FRMD4A: variants seen among roughly 807,000 people sequenced by gnomAD.
FRMD4A encodes the protein FERM domain containing 4A, also known as FERM domain-containing protein 4A.
In FRMD4A, 29 loss-of-function variants were observed where a neutral mutation model predicts 129.1. That is an observed-to-expected ratio of 0.22 (90% CI 0.17 to 0.31). The LOEUF is 0.31. Ranked by LOEUF, FRMD4A falls within the 10% of genes least tolerant of loss-of-function variation. The probability of loss-of-function intolerance (pLI) is 1.00; values close to 1 mark genes in which losing one functional copy is unlikely to be tolerated. For synonymous variants in FRMD4A, 634 were observed against 571.6 expected (o/e 1.11, Z -1.56); for missense variants, 1,272 against 1,375.8 (o/e 0.92, Z 1.19).
At chr10:14,022,647 G>A (rs1832811540) in intron 2 of FRMD4A, among the ~76,000 whole-genome samples, 1 of 152,158 alleles carries the variant, frequency 6.6e-6, no homozygotes, top group Non-Finnish European at 1.5e-5. Context: ...AGATGATAAT[G>A]GATGGAAGAA....
intron 2 of FRMD4A, among the ~76,000 whole-genome samples, chr10:14,210,801 C>T (rs575227629): frequency 3.1e-4 from 47 of 152,218 alleles, no homozygotes; most frequent in Middle Eastern, 3.2e-3. Flanking sequence ...AGTCTTGGCT[C>T]ACTGCAACCT....
At position 13,699,909 on chromosome 10, in the gene FRMD4A, G is replaced by A. The variant is rs183982553; in HGVS notation, c.975+1431C>T. 1.9e-3 allele frequency among the ~76,000 whole-genome samples: 289 copies of A among 152,190 alleles called. 4 individuals carry two copies. Among genetic ancestry groups the A allele is most frequent in the African/African-American group, 6.8e-3 (284 of 41,502 alleles). On this transcript the variant is annotated intron_variant, in intron 14 of 24. Transcript: ENST00000357447. The stretch of plus-strand genomic sequence containing the variant: ...GACCCATCACTGCCAGGAGAGCTGC[G>A]GAGAATACTGTCATTATTCCTAACA...
intron 2 of FRMD4A, among the ~76,000 whole-genome samples, chr10:14,283,899 T>C (rs1004701168): frequency 2.6e-5 from 4 of 152,228 alleles, no homozygotes; most frequent in African/African-American, 7.2e-5. Flanking sequence ...ATCATCTCAA[T>C]TGATCATTTG....
At chr10:14,327,189 G>A (rs1157870964) in intron 2 of FRMD4A, among the ~76,000 whole-genome samples, 1 of 152,228 alleles carries the variant, frequency 6.6e-6, no homozygotes, top group Non-Finnish European at 1.5e-5. Context: ...TTCCTGTGGG[G>A]TAGACTCCTG....
chr10:13,709,026 G>A (rs183422759), intron 12 of FRMD4A, among the ~76,000 whole-genome samples: 15 of 151,970 alleles, frequency 9.9e-5, no homozygotes, highest in African/African-American at 3.4e-4. Flanking sequence ...GCAGTGTCAC[G>A]ATCTCGGCTC....
chr10:13,863,323 T>C (rs1427223164), intron 2 of FRMD4A, among the ~76,000 whole-genome samples: 1 of 152,144 alleles, frequency 6.6e-6, no homozygotes, highest in African/African-American at 2.4e-5. Flanking sequence ...GGCTCACGCC[T>C]GTAATCCTAG....
intron 2 of FRMD4A, among the ~76,000 whole-genome samples, chr10:14,187,268 G>A (rs1256821538): frequency 1.3e-5 from 2 of 152,208 alleles, no homozygotes; most frequent in Non-Finnish European, 2.9e-5. Context: ...CTAACTCCAT[G>A]ATATCAGATC....
intron 2 of FRMD4A, among the ~76,000 whole-genome samples, chr10:14,097,645 G>T (rs1837049360): frequency 6.6e-6 from 1 of 151,644 alleles, no homozygotes. Context: ...TATGTCTTAG[G>T]TATTTAGTTT....
rs774739073 is a variant in FRMD4A at position 13,656,850 on chromosome 10, G to A, written c.2739C>T (p.Gly913=). ...ILRTPSLGRE[G]AHDKGAGRAA... ...CACGGCCCGCGCCCTTGTCGTGGGC[G>A]CCCTCGCGGCCCAGCGACGGAGTCC... is the stretch of plus-strand genomic sequence containing the variant. Residue 913 remains glycine (G), a synonymous_variant, in exon 22 of 25, where the codon GGC becomes GGT. Coordinates refer to ENST00000357447, the MANE Select transcript of FRMD4A (RefSeq NM_018027.5). The A allele has an allele frequency of 2.1e-5, 31 of 1,496,876 alleles. No individual in the cohort carries two copies. The highest frequency in any genetic ancestry group is 2.5e-5 in the Non-Finnish European group (28 of 1,126,466). The allele number at this position is 1,496,876 out of a possible 1,614,324, so 92.7% of individuals were successfully genotyped here.
intron 2 of FRMD4A, among the ~76,000 whole-genome samples, chr10:14,239,908 G>A (rs560398236): frequency 6.6e-6 from 1 of 152,220 alleles, no homozygotes; most frequent in Non-Finnish European, 1.5e-5. Context: ...AAGAATAGTG[G>A]TGTTTTTGCT....
intron 4 of FRMD4A, among the ~76,000 whole-genome samples, chr10:13,804,714 C>CTTTTTTTTTT (rs35111872): frequency 7.8e-6 from 1 of 127,750 alleles, no homozygotes; most frequent in Non-Finnish European, 1.6e-5. Context: ...CCAGCTAATT[C>CTTTTTTTTTT]TTTTTTTTTT....
intron 2 of FRMD4A, among the ~76,000 whole-genome samples, chr10:14,167,497 A>T (rs150568332): frequency 7.4e-6 from 1 of 135,790 alleles, no homozygotes; most frequent in Non-Finnish European, 1.5e-5. Context: ...AGATCATGCC[A>T]CTGCATTCCA....
In FRMD4A at chr10:14,012,068, A is replaced by G. The variant is rs192029782; in HGVS notation, c.46-153156T>C. Among the ~76,000 whole-genome samples, 10 of 152,114 alleles carry G rather than the reference A, an allele frequency of 6.6e-5. No individual in the cohort carries two copies. The East Asian group carries it at 1.4e-3, about 21-fold the overall frequency. Reference sequence around the variant, plus strand: ...AGGAAAACCTATGGAACAATATTACATAGAAAGAGCAGGTTGTTGTCAGGA... The same window carrying G: ...AGGAAAACCTATGGAACAATATTACGTAGAAAGAGCAGGTTGTTGTCAGGA... On this transcript the variant is annotated intron_variant, in intron 2 of 24. Coordinates refer to ENST00000357447, the MANE Select transcript of FRMD4A (RefSeq NM_018027.5).
intron 24 of FRMD4A, chr10:13,649,777 C>T (rs2081399172): frequency 6.6e-6 from 1 of 152,166 alleles, no homozygotes; most frequent in African/African-American, 2.4e-5. Context: ...CGGTAGTAGT[C>T]AAGGAATGCC....
intron 4 of FRMD4A, among the ~76,000 whole-genome samples, chr10:13,798,862 C>T (rs558573701): frequency 1.3e-5 from 2 of 152,352 alleles, no homozygotes; most frequent in Admixed American, 1.3e-4. Context: ...TCTGCCCATG[C>T]CTGATAATGC....
At chr10:14,155,317 C>A (rs76076033) in intron 2 of FRMD4A, among the ~76,000 whole-genome samples, 3,335 of 152,222 alleles carry the variant, frequency 0.022, 122 homozygotes, top group African/African-American at 0.073. Flanking sequence ...TGAATAGATT[C>A]TTGTGTTGAA....
chr10:13,692,615 G>A (rs186530344), intron 15 of FRMD4A: 3 of 152,420 alleles, frequency 2.0e-5, no homozygotes, highest in African/African-American at 7.2e-5. Context: ...TCGCCTCTCA[G>A]TCCAGGAAGG....
intron 2 of FRMD4A, among the ~76,000 whole-genome samples, chr10:14,120,739 T>A (rs2131810217): frequency 6.6e-6 from 1 of 152,344 alleles, no homozygotes; most frequent in South Asian, 2.1e-4. Context: ...GCTTTGATTT[T>A]ACGTGAGTGA....
intron 15 of FRMD4A, among the ~76,000 whole-genome samples, chr10:13,676,833 C>A (rs1268748012): frequency 6.6e-6 from 1 of 152,156 alleles, no homozygotes; most frequent in African/African-American, 2.4e-5. Context: ...CATTCTCCAT[C>A]AATCAATGCA....
Sources: allele counts gnomAD v4.1 joint callset (sites outside exome capture counted in the v4.1 genomes callset), GRCh38; gene constraint gnomAD v4.1.1; transcripts MANE v1.5; gene names NCBI Gene and HGNC (gene_info 2026-07-23, HGNC 2026-07-21).